ATP8A2: variants seen among roughly 807,000 people sequenced by gnomAD.
ATP8A2 encodes ATPase phospholipid transporting 8A2.
Under a neutral mutation model 165.6 loss-of-function variants are expected in ATP8A2, and 100 were observed. The observed-to-expected ratio is 0.60, with a 90% CI of 0.51 to 0.71. The LOEUF is 0.71. Among genes scored for constraint, ATP8A2 ranks in the 30% least tolerant of loss-of-function variants. The pLI is 0.00. For synonymous variants in ATP8A2, 543 were observed against 548.8 expected, an observed-to-expected ratio of 0.99 and a Z score of 0.15; for missense variants, 1,227 against 1,479.5, an observed-to-expected ratio of 0.83 and a Z score of 2.80.
At chr13:25,898,607 G>T (rs1425463476) in intron 33 of ATP8A2, among the ~76,000 whole-genome samples, 1 of 152,214 alleles carries the variant, frequency 6.6e-6, no homozygotes, top group Non-Finnish European at 1.5e-5. Context: ...TTGTTTGTCT[G>T]TGCCCTGCCC....
rs536461046 is a variant in ATP8A2, at chr13:25,408,045, A to T, written c.76+35757A>T. Among the ~76,000 whole-genome samples, 10 of 152,116 alleles carry T rather than the reference A, an allele frequency of 6.6e-5. No individual in the cohort carries two copies. The East Asian group carries it at 1.9e-3, about 29-fold the overall frequency. Reference sequence around the variant, plus strand: ...GTATACCTATGTAACAAACCTGCACATTCTGCACATGTATCCTGGAACTTA... The same window carrying T: ...GTATACCTATGTAACAAACCTGCACTTTCTGCACATGTATCCTGGAACTTA... On this transcript the variant is annotated intron_variant, in intron 1 of 36. Coordinates refer to ENST00000381655, the MANE Select transcript of ATP8A2 (RefSeq NM_016529.6).
At chr13:25,826,889 A>G (rs1951332519) in intron 27 of ATP8A2, among the ~76,000 whole-genome samples, 1 of 148,474 alleles carries the variant, frequency 6.7e-6, no homozygotes, top group Admixed American at 6.7e-5. Context: ...TTCAGATTAC[A>G]TCTGGATGAT....
At chr13:25,703,330 G>A (rs139134080) in intron 25 of ATP8A2, among the ~76,000 whole-genome samples, 2 of 152,154 alleles carry the variant, frequency 1.3e-5, no homozygotes, top group African/African-American at 4.8e-5. Flanking sequence ...TGCCCACCTC[G>A]GCCTCCCAAA....
At chr13:25,768,084 G>A (rs1276957328) in intron 25 of ATP8A2, among the ~76,000 whole-genome samples, 1 of 133,414 alleles carries the variant, frequency 7.5e-6, no homozygotes, top group South Asian at 2.7e-4. Flanking sequence ...CGTGGGGGGG[G>A]GGTGGTGGGG....
intron 25 of ATP8A2, among the ~76,000 whole-genome samples, chr13:25,753,712 A>G (rs2044202795): frequency 1.3e-5 from 2 of 152,350 alleles, no homozygotes; most frequent in Admixed American, 1.3e-4. Context: ...ACTGGCAGCC[A>G]CATGACAGCC....
At chr13:25,843,285 G>A (rs1951786766) in intron 30 of ATP8A2, among the ~76,000 whole-genome samples, 2 of 152,134 alleles carry the variant, frequency 1.3e-5, no homozygotes, top group Admixed American at 1.3e-4. Context: ...CCTGGACTCT[G>A]AACTCTGTCA....
chr13:25,740,322 A>AAT (rs1405867295), intron 25 of ATP8A2, among the ~76,000 whole-genome samples: 1 of 151,928 alleles, frequency 6.6e-6, no homozygotes, highest in African/African-American at 2.4e-5. Context: ...AAAAAAAAAA[A>AAT]AAAAAAAGAG....
At chr13:25,890,194 T>A (rs1953317068) in intron 33 of ATP8A2, among the ~76,000 whole-genome samples, 1 of 152,014 alleles carries the variant, frequency 6.6e-6, no homozygotes, top group South Asian at 2.1e-4. Flanking sequence ...TTTTACCGTC[T>A]CTCTGGGTTA....
intron 27 of ATP8A2, among the ~76,000 whole-genome samples, chr13:25,827,597 G>C (rs1319700719): frequency 1.3e-5 from 2 of 152,154 alleles, no homozygotes; most frequent in Non-Finnish European, 2.9e-5. Flanking sequence ...ATTTGAACAT[G>C]TTTCTTTTAT....
intron 25 of ATP8A2, 39 bp downstream of exon 25, chr13:25,699,384 G>C: frequency 6.7e-7 from 1 of 1,490,880 alleles, no homozygotes; most frequent in Non-Finnish European, 9.1e-7. Context: ...ACACTCTGCT[G>C]TGTCTGTATC....
At chr13:25,537,779 C>G (rs997994416) in intron 6 of ATP8A2, among the ~76,000 whole-genome samples, 3 of 152,054 alleles carry the variant, frequency 2.0e-5, no homozygotes, top group African/African-American at 7.2e-5. Context: ...TATTAAACAT[C>G]ATTGCAAAAA....
chr13:25,900,294 G>T (rs1441568390), intron 33 of ATP8A2, among the ~76,000 whole-genome samples: 1 of 151,976 alleles, frequency 6.6e-6, no homozygotes, highest in Non-Finnish European at 1.5e-5. Flanking sequence ...TCAAAAAATG[G>T]CAGTGTTAGC....
chr13:25,776,733 T>G (rs1404766770), intron 27 of ATP8A2, among the ~76,000 whole-genome samples: 1 of 152,178 alleles, frequency 6.6e-6, no homozygotes, highest in African/African-American at 2.4e-5. Flanking sequence ...TGGACCATCG[T>G]GTAAAAGGGT....
intron 33 of ATP8A2, among the ~76,000 whole-genome samples, chr13:25,960,535 G>T (rs770464698): frequency 1.3e-5 from 2 of 152,018 alleles, no homozygotes; most frequent in Admixed American, 1.3e-4. Context: ...AAAGAAATCC[G>T]GTGAACACGG....
intron 1 of ATP8A2, among the ~76,000 whole-genome samples, chr13:25,384,510 C>T (rs891571045): frequency 6.6e-6 from 1 of 152,146 alleles, no homozygotes; most frequent in African/African-American, 2.4e-5. Flanking sequence ...TCTCTTTGTG[C>T]CCCATTTTTG....
Position 25,571,691 on chromosome 13 carries a change from CG to C in ATP8A2, c.1662+1del. The C allele has an allele frequency of 6.2e-7, 1 of 1,613,286 alleles. No homozygotes were observed. The highest frequency in any genetic ancestry group is 8.5e-7 in the Non-Finnish European group (1 of 1,179,236). Reference sequence around the variant, plus strand: ...ACACCATTCTCAGTCATCATAGAAGCGGTGAGTAACATGCGTGTGCACATTT... The same window carrying C: ...ACACCATTCTCAGTCATCATAGAAGCGTGAGTAACATGCGTGTGCACATTT... ...ARTPFSVIIE[A>X]MGQEQTFGIL... is the part of the protein sequence containing the mutation. On this transcript the variant is annotated frameshift_variant and splice_region_variant, in exon 18 of 37. Transcript: ENST00000381655. LOFTEE classifies it high-confidence loss of function.
intron 23 of ATP8A2, among the ~76,000 whole-genome samples, chr13:25,586,131 A>C (rs545939827): frequency 6.6e-6 from 1 of 152,332 alleles, no homozygotes; most frequent in South Asian, 2.1e-4. Context: ...TAAAGATAAA[A>C]CTGAGGCACA....
At chr13:25,435,697 G>GT (rs1231262701) in intron 1 of ATP8A2, among the ~76,000 whole-genome samples, 3 of 151,090 alleles carry the variant, frequency 2.0e-5, no homozygotes, top group East Asian at 1.9e-4. Context: ...GGATCTTGTG[G>GT]TTTTTTTCTC....
In ATP8A2 at chr13:25,795,426, G is replaced by A. The variant is rs1445494017; in HGVS notation, c.2679+20467G>A. On this transcript the variant is annotated intron_variant, in intron 27 of 36. Transcript: ENST00000381655. Reference sequence around the variant, plus strand: ...ATATTTGGTCGATTTCTTTTCCATGGCACTCAATGACAGCTGAAGAAATTT... The same window carrying A: ...ATATTTGGTCGATTTCTTTTCCATGACACTCAATGACAGCTGAAGAAATTT... Among the ~76,000 whole-genome samples, 3 of 152,176 alleles carry A rather than the reference G, an allele frequency of 2.0e-5. No homozygotes were observed. In the East Asian group the frequency reaches 5.8e-4, roughly 29 times the overall value.
Sources: gnomAD v4.1 joint callset for allele counts (sites outside exome capture counted in the v4.1 genomes callset) on GRCh38, gnomAD v4.1.1 for gene constraint, MANE v1.5 for transcripts, NCBI Gene and HGNC (gene_info 2026-07-23, HGNC 2026-07-21) for gene names.